Variants in IL7 observed in about 807,000 individuals in gnomAD.
The protein encoded by IL7 is interleukin-7.
IL7 carries 3 observed loss-of-function variants against 21.6 expected under a neutral mutation model. The observed-to-expected ratio is 0.14, with a 90% CI of 0.06 to 0.36. IL7 has a LOEUF of 0.36. Ranked by LOEUF, IL7 falls within the 10% of genes least tolerant of loss-of-function variation. IL7 has a pLI of 1.00. For synonymous variants in IL7, 62 were observed against 68.1 expected, an observed-to-expected ratio of 0.91 and a Z score of 0.44; for missense variants, 175 against 200.2, an observed-to-expected ratio of 0.87 and a Z score of 0.76.
chr8:78,717,279 A>C (rs746388726), downstream of IL7: 10 of 1,550,774 alleles, frequency 6.4e-6, no homozygotes, highest in Non-Finnish European at 7.8e-6. Context: ...TATGGGTTGA[A>C]AACTACTGAT....
Position 78,804,907 on chromosome 8 carries a change from G to A in IL7, c.10+6C>T, listed in dbSNP as rs771048191. 11 of 1,613,050 alleles carry A rather than the reference G, an allele frequency of 6.8e-6. No individual in the cohort carries two copies. Among genetic ancestry groups the A allele is most frequent in the Non-Finnish European group, 8.5e-6 (10 of 1,179,350 alleles). On this transcript the variant is annotated splice_donor_region_variant and intron_variant, in intron 1 of 5. Transcript: ENST00000263851. ...GAACTTGTGCGCAAGGGAGAAGAGC[G>A]CTTACCATGGAACATGGTCTGCGGG...
rs7818021 is a variant in IL7, at chr8:78,693,066, A to G, written n.215-7119T>C. ...TCCCTACAAAGGACATGAACTCATC[A>G]TTTTTTATGGCTGCATAGTATTCCA... On this transcript the variant is annotated intron_variant and non_coding_transcript_variant, in intron 3 of 4. Transcript: ENST00000523959. Among the ~76,000 whole-genome samples, 624 of 151,854 alleles carry G rather than the reference A, an allele frequency of 4.1e-3. 3 individuals carry two copies. Among genetic ancestry groups the G allele is most frequent in the African/African-American group, 0.014 (585 of 41,420 alleles).
At chr8:78,739,672 C>T in intron 3 of IL7, among the ~76,000 whole-genome samples, 1 of 137,012 alleles carries the variant, frequency 7.3e-6, no homozygotes, top group South Asian at 2.3e-4. Context: ...AGCCTGGTGA[C>T]AGAGCGAAAC....
At chr8:78,761,995 C>T in intron 2 of IL7, 1 of 1,604,148 alleles carries the variant, frequency 6.2e-7, no homozygotes, top group South Asian at 1.1e-5. Context: ...GCCCTTCACC[C>T]TCTTCTTCGC....
intron 2 of IL7, among the ~76,000 whole-genome samples, chr8:78,794,659 A>C (rs924977134): frequency 6.6e-6 from 1 of 152,110 alleles, no homozygotes; most frequent in Non-Finnish European, 1.5e-5. Context: ...AAACTTCTAC[A>C]CAGGCCAAAA....
downstream of IL7, among the ~76,000 whole-genome samples, chr8:78,713,858 A>T (rs1811019422): frequency 3.3e-5 from 5 of 152,148 alleles, no homozygotes; most frequent in South Asian, 1.0e-3. Flanking sequence ...AATGGGAATA[A>T]TATCTTCTGA....
rs116944107 is a variant in IL7 at position 78,682,781 on chromosome 8, A to T, written n.273+3108T>A. On this transcript the variant is annotated intron_variant and non_coding_transcript_variant, in intron 4 of 4. Coordinates refer to the IL7 transcript ENST00000523959. ...ACCCTAAAGTCCACAGTTCAATCTG[A>T]GACAAGGCAAGTTTCTTCTGCCTGT... 5.6e-3 allele frequency among the ~76,000 whole-genome samples: 860 copies of T among 152,316 alleles called. 4 individuals are homozygous for T. The highest frequency in any genetic ancestry group is 8.5e-3 in the Non-Finnish European group (581 of 68,010).
intron 3 of IL7, among the ~76,000 whole-genome samples, chr8:78,706,467 C>T (rs1168967071): frequency 1.3e-5 from 2 of 152,074 alleles, no homozygotes; most frequent in African/African-American, 2.4e-5. Flanking sequence ...TTCACAAGGG[C>T]GTCTCTTGAC....
intron 2 of IL7, among the ~76,000 whole-genome samples, chr8:78,791,775 A>G (rs929865225): frequency 2.0e-5 from 3 of 152,234 alleles, no homozygotes; most frequent in African/African-American, 7.2e-5. Context: ...TAAGCTCCCC[A>G]CCACTTCTCT....
chr8:78,719,848 C>A (rs1199070700), intron 5 of IL7: 1 of 151,644 alleles, frequency 6.6e-6, no homozygotes, highest in Non-Finnish European at 1.5e-5. Context: ...TATTTGAAGT[C>A]AAAAATAACA....
intron 3 of IL7, among the ~76,000 whole-genome samples, chr8:78,693,433 G>T (rs1463898349): frequency 6.6e-6 from 1 of 152,190 alleles, no homozygotes; most frequent in Non-Finnish European, 1.5e-5. Flanking sequence ...TCTAACTGGT[G>T]TGAGATGGTA....
intron 3 of IL7, among the ~76,000 whole-genome samples, chr8:78,712,820 A>C (rs989601627): frequency 1.3e-5 from 2 of 152,214 alleles, no homozygotes; most frequent in Non-Finnish European, 2.9e-5. Flanking sequence ...ATACCTATTA[A>C]TGGTGGAAAA....
intron 2 of IL7, among the ~76,000 whole-genome samples, chr8:78,786,373 A>G (rs1319258795): frequency 6.6e-6 from 1 of 152,224 alleles, no homozygotes; most frequent in Admixed American, 6.5e-5. Flanking sequence ...AATATTAAAA[A>G]TAGTACACTT....
downstream of IL7, among the ~76,000 whole-genome samples, chr8:78,717,043 C>G (rs189626512): frequency 2.7e-3 from 408 of 152,198 alleles, 3 homozygotes; most frequent in African/African-American, 9.2e-3. Flanking sequence ...ATAAATTACC[C>G]AGTCTCAGGT....
chr8:78,769,710 A>T (rs546084756), intron 2 of IL7, among the ~76,000 whole-genome samples: 1 of 152,224 alleles, frequency 6.6e-6, no homozygotes, highest in Non-Finnish European at 1.5e-5. Flanking sequence ...GAACCAAAAA[A>T]GAGCCCACAT....
At chr8:78,679,778 TA>T (rs925348199) in intron 4 of IL7, among the ~76,000 whole-genome samples, 2 of 152,318 alleles carry the variant, frequency 1.3e-5, no homozygotes, top group African/African-American at 2.4e-5. Context: ...ATCTTACTAA[TA>T]AAAAATCATT....
chr8:78,725,811 A>G (rs560010631), intron 3 of IL7, among the ~76,000 whole-genome samples: 2 of 152,170 alleles, frequency 1.3e-5, no homozygotes, highest in Non-Finnish European at 2.9e-5. Flanking sequence ...AATCTTTGCC[A>G]CAATCTGTGA....
intron 2 of IL7, among the ~76,000 whole-genome samples, chr8:78,742,817 A>G (rs1028711102): frequency 4.0e-5 from 6 of 151,848 alleles, no homozygotes; most frequent in African/African-American, 1.5e-4. Flanking sequence ...TGTATAGATT[A>G]TTTCATCACC....
chr8:78,688,310 GT>G (rs1295194726), intron 3 of IL7, among the ~76,000 whole-genome samples: 7 of 152,094 alleles, frequency 4.6e-5, no homozygotes, highest in African/African-American at 1.4e-4. Context: ...CTTCAGGATC[GT>G]TTGGGCTTTA....
Sources: gnomAD v4.1 joint callset for allele counts (sites outside exome capture counted in the v4.1 genomes callset) on GRCh38, gnomAD v4.1.1 for gene constraint, MANE v1.5 for transcripts, NCBI Gene and HGNC (gene_info 2026-07-23, HGNC 2026-07-21) for gene names.